Variants in MAP2K4 observed in about 807,000 individuals in gnomAD.
The protein encoded by MAP2K4 is mitogen-activated protein kinase kinase 4.
A neutral mutation model predicts 48.5 loss-of-function variants in MAP2K4; 4 were observed. The ratio of observed to expected loss-of-function variants is 0.08; its 90% CI spans 0.04 to 0.19. MAP2K4 has a LOEUF of 0.19. MAP2K4 is among the 10% of genes least tolerant of loss of function. The probability of loss-of-function intolerance (pLI) is 1.00; values close to 1 mark genes in which losing one functional copy is unlikely to be tolerated. For synonymous variants in MAP2K4, 166 were observed against 173.1 expected (o/e 0.96, Z 0.32); for missense variants, 258 against 493.3 (o/e 0.52, Z 4.52).
intron 1 of MAP2K4, among the ~76,000 whole-genome samples, chr17:12,023,923 T>C (rs1969174052): frequency 6.6e-6 from 1 of 152,182 alleles, no homozygotes; most frequent in Admixed American, 6.5e-5. Context: ...AAGGATGCAA[T>C]ACACATTAGC....
chr17:12,101,603 T>C (rs1240151220), intron 4 of MAP2K4, among the ~76,000 whole-genome samples: 2 of 152,156 alleles, frequency 1.3e-5, no homozygotes, highest in Non-Finnish European at 2.9e-5. Flanking sequence ...TTCTAATTTG[T>C]AGGTCTACTG....
At chr17:12,118,869 GTGA>G (rs531906565) in intron 7 of MAP2K4, among the ~76,000 whole-genome samples, 7 of 152,230 alleles carry the variant, frequency 4.6e-5, no homozygotes, top group Admixed American at 1.3e-4. Context: ...TGACTATTCA[GTGA>G]TGATGATGAT....
intron 2 of MAP2K4, among the ~76,000 whole-genome samples, chr17:12,062,704 T>A (rs141078140): frequency 1.3e-4 from 20 of 152,318 alleles, no homozygotes; most frequent in Non-Finnish European, 2.6e-4. Context: ...GGTAGAAATT[T>A]TTCTCCAGAA....
intron 3 of MAP2K4, 51 bp from the exon 4 acceptor site, chr17:12,095,524 T>C: frequency 6.2e-7 from 1 of 1,609,864 alleles, no homozygotes; most frequent in Non-Finnish European, 8.5e-7. Context: ...TTATTGGTGT[T>C]TTTGACAAAA....
intron 7 of MAP2K4, among the ~76,000 whole-genome samples, chr17:12,114,455 T>C (rs1000554449): frequency 2.0e-5 from 3 of 151,974 alleles, no homozygotes; most frequent in Non-Finnish European, 4.4e-5. Context: ...TTTAAACTTT[T>C]GGTTTTGTGG....
intron 7 of MAP2K4, among the ~76,000 whole-genome samples, chr17:12,114,532 G>A (rs1972422099): frequency 6.6e-6 from 1 of 151,814 alleles, no homozygotes; most frequent in Non-Finnish European, 1.5e-5. Context: ...TGATAACTAG[G>A]GATAAATGGC....
intron 1 of MAP2K4, among the ~76,000 whole-genome samples, chr17:12,031,964 G>A (rs538449640): frequency 6.6e-6 from 1 of 152,076 alleles, no homozygotes. Flanking sequence ...TATCTTAAAG[G>A]TTACTGTTAA....
intron 7 of MAP2K4, among the ~76,000 whole-genome samples, chr17:12,118,058 T>A (rs1972558678): frequency 1.3e-5 from 2 of 152,312 alleles, no homozygotes; most frequent in South Asian, 4.1e-4. Flanking sequence ...CTGTGAAGAT[T>A]CAACAGACTG....
Position 12,072,653 on chromosome 17 carries a change from G to T in MAP2K4, c.219-8703G>T, listed in dbSNP as rs915887290. On this transcript the variant is annotated intron_variant, in intron 2 of 10. Transcript: ENST00000353533. Reference sequence around the variant, plus strand: ...ATAAAGCATAGATTGGGATTAAATTGAGCTGGTTGATCATAGTTCACATGT... The same window carrying T: ...ATAAAGCATAGATTGGGATTAAATTTAGCTGGTTGATCATAGTTCACATGT... Among the ~76,000 whole-genome samples the T allele has an allele frequency of 3.9e-5, 6 of 152,080 alleles. No homozygotes were observed. The East Asian group carries it at 1.2e-3, about 29-fold the overall frequency.
intron 7 of MAP2K4, among the ~76,000 whole-genome samples, chr17:12,120,302 A>T (rs1476786180): frequency 6.6e-6 from 1 of 152,124 alleles, no homozygotes; most frequent in Admixed American, 6.5e-5. Context: ...ACTACTAAAA[A>T]TACAAAAATT....
At chr17:12,109,069 ACTCT>A (rs879853290) in intron 5 of MAP2K4, among the ~76,000 whole-genome samples, 10 of 151,882 alleles carry the variant, frequency 6.6e-5, no homozygotes, top group African/African-American at 2.4e-4. Flanking sequence ...CTTCATAGTA[ACTCT>A]CTGTGGTAAA....
chr17:12,093,824 A>G (rs930451625), intron 3 of MAP2K4, among the ~76,000 whole-genome samples: 1 of 152,182 alleles, frequency 6.6e-6, no homozygotes, highest in Non-Finnish European at 1.5e-5. Context: ...AGATTCTTTT[A>G]TAAATAATTA....
intron 1 of MAP2K4, among the ~76,000 whole-genome samples, chr17:12,033,922 T>C: frequency 6.6e-6 from 1 of 152,256 alleles, no homozygotes; most frequent in Non-Finnish European, 1.5e-5. Context: ...CCCAAGCAGC[T>C]GGGACTACAG....
chr17:12,119,454 A>G (rs1206254625), intron 7 of MAP2K4, among the ~76,000 whole-genome samples: 1 of 152,220 alleles, frequency 6.6e-6, no homozygotes, highest in Non-Finnish European at 1.5e-5. Context: ...ATCTCACACC[A>G]GTCAGAATGG....
rs1011874766 is a variant in MAP2K4, at chr17:12,143,170, A to G, written c.*1910A>G. The stretch of plus-strand genomic sequence containing the variant: ...CGACCACAGCAAGCCATCATCCTCC[A>G]TTGCTCCCGGGGACTCAAGAGGAAT... On this transcript the variant is annotated 3_prime_UTR_variant, in exon 11 of 11. Coordinates refer to ENST00000353533, the MANE Select transcript of MAP2K4 (RefSeq NM_003010.4). 1.3e-5 allele frequency: 3 copies of G among 232,844 alleles called. No individual in the cohort carries two copies. Among genetic ancestry groups the G allele is most frequent in the African/African-American group, 6.6e-5 (3 of 45,284 alleles). 14.4% of individuals were successfully genotyped at this position (232,844 alleles called of 1,614,324 possible).
At chr17:12,077,528 A>T (rs2151545331) in intron 2 of MAP2K4, among the ~76,000 whole-genome samples, 1 of 152,258 alleles carries the variant, frequency 6.6e-6, no homozygotes, top group East Asian at 1.9e-4. Context: ...CTGTTATTGG[A>T]GTCAATGCTA....
chr17:12,074,769 G>A (rs1970942589), intron 2 of MAP2K4, among the ~76,000 whole-genome samples: 1 of 152,098 alleles, frequency 6.6e-6, no homozygotes, highest in South Asian at 2.1e-4. Flanking sequence ...GCAACTCAAG[G>A]GTACTGCCAG....
At chr17:12,040,050 A>G (rs929145547) in intron 1 of MAP2K4, among the ~76,000 whole-genome samples, 2 of 152,174 alleles carry the variant, frequency 1.3e-5, no homozygotes, top group Admixed American at 1.3e-4. Flanking sequence ...GTTGTATCAC[A>G]TCAGGAGGCA....
At chr17:12,077,475 A>T (rs1306681516) in intron 2 of MAP2K4, among the ~76,000 whole-genome samples, 2 of 152,224 alleles carry the variant, frequency 1.3e-5, no homozygotes, top group African/African-American at 2.4e-5. Flanking sequence ...TTTCCATAGA[A>T]AAGTCCGGAG....
Sources: allele counts gnomAD v4.1 joint callset (sites outside exome capture counted in the v4.1 genomes callset), GRCh38; gene constraint gnomAD v4.1.1; transcripts MANE v1.5; gene names NCBI Gene and HGNC (gene_info 2026-07-23, HGNC 2026-07-21).